Variants in SLC2A13 observed in about 807,000 individuals in gnomAD.
The protein encoded by SLC2A13 is proton myo-inositol cotransporter.
SLC2A13 carries 32 observed loss-of-function variants against 64.4 expected under a neutral mutation model. That is an observed-to-expected ratio of 0.50 (90% CI 0.37 to 0.67). The LOEUF is 0.67. SLC2A13 is among the 30% of genes least tolerant of loss of function. The pLI, the probability that SLC2A13 is intolerant of heterozygous loss-of-function variation, is 0.00. For synonymous variants in SLC2A13, 338 were observed against 327.1 expected, an observed-to-expected ratio of 1.03 and a Z score of -0.36; for missense variants, 743 against 829.2, an observed-to-expected ratio of 0.90 and a Z score of 1.28.
At chr12:40,046,913 T>G in intron 2 of SLC2A13, among the ~76,000 whole-genome samples, 1 of 151,982 alleles carries the variant, frequency 6.6e-6, no homozygotes, top group Non-Finnish European at 1.5e-5. Context: ...TTTCTTTTTT[T>G]TTTTTTGAGA....
chr12:40,059,015 G>A (rs2136249455), intron 1 of SLC2A13, among the ~76,000 whole-genome samples: 1 of 152,222 alleles, frequency 6.6e-6, no homozygotes, highest in South Asian at 2.1e-4. Context: ...AGCCAACAGA[G>A]CCTAGCTCTT....
At chr12:39,818,961 A>C (rs1942414127) in intron 7 of SLC2A13, among the ~76,000 whole-genome samples, 1 of 152,194 alleles carries the variant, frequency 6.6e-6, no homozygotes, top group African/African-American at 2.4e-5. Flanking sequence ...ATAGGTCTGC[A>C]TAATCAAGTA....
intron 7 of SLC2A13, among the ~76,000 whole-genome samples, chr12:39,773,218 T>C (rs1940648419): frequency 6.6e-6 from 1 of 152,034 alleles, no homozygotes; most frequent in South Asian, 2.1e-4. Context: ...ATGACTGCAA[T>C]AATGGGAAGC....
chr12:40,028,157 A>G (rs1947848520), intron 3 of SLC2A13, 144 bp downstream of exon 3: 3 of 402,016 alleles, frequency 7.5e-6, no homozygotes, highest in African/African-American at 2.1e-5. Flanking sequence ...TTATATATGG[A>G]TATTTTTGTA....
At position 40,105,218 on chromosome 12, in the gene SLC2A13, G is replaced by A. The variant is rs1939266041; in HGVS notation, c.556+35C>T. The A allele has an allele frequency of 1.3e-6, 2 of 1,520,914 alleles. No homozygotes were observed. Among genetic ancestry groups the A allele is most frequent in the African/African-American group, 1.4e-5 (1 of 71,294 alleles). The allele number at this position is 1,520,914 out of a possible 1,614,324, so 94.2% of individuals were successfully genotyped here. On this transcript the variant is annotated intron_variant, in intron 1 of 9. Coordinates refer to ENST00000280871, the MANE Select transcript of SLC2A13 (RefSeq NM_052885.4). This position sits in a 1 kb window ranked among gnomAD's most constrained non-coding sequence, Gnocchi z 4.2. ...CCCAGGGTCAAGGGCGGTGACAATG[G>A]GATCCCGGGCGCCCTTCACGGAGCC...
At chr12:39,767,310 TC>T (rs200284957) in intron 7 of SLC2A13, among the ~76,000 whole-genome samples, 133 of 151,100 alleles carry the variant, frequency 8.8e-4, no homozygotes, top group African/African-American at 2.6e-3. Flanking sequence ...ATCTTTTTTT[TC>T]TTTTCCTGAG....
In SLC2A13 at chr12:40,070,941, A is replaced by G. The variant is rs1214992130; in HGVS notation, c.557-22731T>C. Among the ~76,000 whole-genome samples, 5 of 152,300 alleles carry G rather than the reference A, an allele frequency of 3.3e-5. No homozygotes were observed. In the South Asian group the frequency reaches 8.3e-4, roughly 25 times the overall value. ...AGGACAAATATCAGCCCATATTTAT[A>G]TAAAGGAACAGAAGACCCAACCGGT... is the stretch of plus-strand genomic sequence containing the variant. On this transcript the variant is annotated intron_variant, in intron 1 of 9. Coordinates refer to ENST00000280871, the MANE Select transcript of SLC2A13 (RefSeq NM_052885.4).
intron 3 of SLC2A13, among the ~76,000 whole-genome samples, chr12:39,987,628 G>GT (rs1173748154): frequency 6.6e-6 from 1 of 152,104 alleles, no homozygotes; most frequent in East Asian, 1.9e-4. Flanking sequence ...TTTATACACT[G>GT]TTTTTTCTTA....
intron 2 of SLC2A13, among the ~76,000 whole-genome samples, chr12:40,040,774 T>C (rs59404097): frequency 0.023 from 3,498 of 152,260 alleles, 142 homozygotes; most frequent in African/African-American, 0.079. Flanking sequence ...GACCACTGCA[T>C]ACTTCTATTT....
chr12:39,962,254 C>A (rs1946427399), intron 3 of SLC2A13, among the ~76,000 whole-genome samples: 1 of 152,152 alleles, frequency 6.6e-6, no homozygotes, highest in African/African-American at 2.4e-5. Flanking sequence ...CCATGCCCAG[C>A]TAATTTTTGT....
At chr12:39,858,176 G>A (rs1943656933) in intron 6 of SLC2A13, among the ~76,000 whole-genome samples, 1 of 152,208 alleles carries the variant, frequency 6.6e-6, no homozygotes. Context: ...AGCACACTGG[G>A]TATTTATTTA....
chr12:39,892,359 CAGGGAGATT>C (rs1462019297), intron 4 of SLC2A13, among the ~76,000 whole-genome samples: 2 of 152,150 alleles, frequency 1.3e-5, no homozygotes, highest in Non-Finnish European at 2.9e-5. Context: ...TATTTCTCCC[CAGGGAGATT>C]CTTGGAACTG....
chr12:40,049,214 TAA>T (rs199668365), intron 1 of SLC2A13, among the ~76,000 whole-genome samples: 3 of 144,422 alleles, frequency 2.1e-5, no homozygotes, highest in Non-Finnish European at 4.6e-5. Context: ...AAAGCCTCCA[TAA>T]AAAAAAAAAG....
intron 3 of SLC2A13, among the ~76,000 whole-genome samples, chr12:39,958,902 T>C (rs1359544389): frequency 6.6e-6 from 1 of 152,134 alleles, no homozygotes; most frequent in Non-Finnish European, 1.5e-5. Context: ...TAGTGAATTA[T>C]GATCTCTGTG....
intron 4 of SLC2A13, among the ~76,000 whole-genome samples, chr12:39,948,367 C>G (rs1592309891): frequency 6.6e-6 from 1 of 151,904 alleles, no homozygotes; most frequent in South Asian, 2.1e-4. Flanking sequence ...GATATACTGT[C>G]TATAGATAAA....
intron 1 of SLC2A13, among the ~76,000 whole-genome samples, chr12:40,069,779 C>T (rs530114349): frequency 3.3e-5 from 5 of 152,176 alleles, no homozygotes; most frequent in Non-Finnish European, 7.4e-5. Context: ...TTTTATCAGA[C>T]AAGGCATCAG....
intron 4 of SLC2A13, among the ~76,000 whole-genome samples, chr12:39,889,511 G>T (rs377094593): frequency 1.0e-4 from 15 of 149,222 alleles, no homozygotes; most frequent in African/African-American, 3.5e-4. Context: ...CCGACTTTAC[G>T]CTTCAGTGGT....
chr12:40,067,699 T>G (rs11837914), intron 1 of SLC2A13, among the ~76,000 whole-genome samples: 42 of 152,282 alleles, frequency 2.8e-4, no homozygotes, highest in African/African-American at 8.7e-4. Context: ...TATTCTGGAC[T>G]GCAGAAATTA....
intron 2 of SLC2A13, among the ~76,000 whole-genome samples, chr12:40,044,698 C>T (rs999151808): frequency 6.6e-6 from 1 of 152,044 alleles, no homozygotes; most frequent in African/African-American, 2.4e-5. Flanking sequence ...CAATTTATTT[C>T]TATGATATCT....
Sources: gnomAD v4.1 joint callset for allele counts (sites outside exome capture counted in the v4.1 genomes callset) on GRCh38, gnomAD v4.1.1 for gene constraint, Gnocchi (gnomAD v3.1) non-coding constraint, MANE v1.5 for transcripts, NCBI Gene and HGNC (gene_info 2026-07-23, HGNC 2026-07-21) for gene names.